The following DNAI4 variants were observed in gnomAD, a reference collection of about 807,000 sequenced individuals.
DNAI4 encodes WD repeat domain 78.
A neutral mutation model predicts 105.8 loss-of-function variants in DNAI4; 85 were observed. The ratio of observed to expected loss-of-function variants is 0.80; its 90% CI spans 0.67 to 0.96. The LOEUF (loss-of-function observed/expected upper bound fraction) is 0.96, where lower values mean the gene tolerates loss of function less well. DNAI4 is among the 40% of genes least tolerant of loss of function. The probability of loss-of-function intolerance (pLI) is 0.00; values close to 1 mark genes in which losing one functional copy is unlikely to be tolerated. For missense variants in DNAI4, 1,014 were observed against 1,005.6 expected, an observed-to-expected ratio of 1.01 and a Z score of -0.11; for synonymous variants, 352 against 331.5, an observed-to-expected ratio of 1.06 and a Z score of -0.67.
Position 66,822,478 on chromosome 1 carries a change from G to A in DNAI4, c.2379C>T (p.Ile793=). Residue 793 remains isoleucine, a synonymous_variant, in exon 16 of 17, where the codon ATC becomes ATT. Coordinates refer to ENST00000371026, the MANE Select transcript of DNAI4 (RefSeq NM_024763.5). ...TGGCAAAGAGAATGGTTGTGAACTT[G>A]ATTCCAGGGTTAGCAGTATTCACAA... The part of the protein sequence containing the change: ...PLIVNTANPG[I]KFTTILFAKQ... 1 of 1,612,488 alleles carries A rather than the reference G, an allele frequency of 6.2e-7. No individual in the cohort carries two copies. Among genetic ancestry groups the A allele is most frequent in the Non-Finnish European group, 8.5e-7 (1 of 1,179,328 alleles).
chr1:66,879,136 G>A (rs866554286), intron 4 of DNAI4, among the ~76,000 whole-genome samples: 112 of 152,234 alleles, frequency 7.4e-4, no homozygotes, highest in African/African-American at 2.1e-3. Flanking sequence ...TATCTATACA[G>A]AATAGTTTTA....
chr1:66,836,208 G>GAAAA (rs1409438113), intron 10 of DNAI4, among the ~76,000 whole-genome samples: 1 of 46,812 alleles, frequency 2.1e-5, no homozygotes, highest in Admixed American at 2.5e-4. Context: ...AAGAAAGAAA[G>GAAAA]AGAGAGAGAG....
rs1645449395 is a variant in DNAI4, at chr1:66,813,121, C to A, written c.*1009G>T. On this transcript the variant is annotated 3_prime_UTR_variant, in exon 17 of 17. Transcript: ENST00000371026. ...GGATACTTGTAAAAGGTAGTTCCCA[C>A]TGTTGCACTGATTCCAGTCTTGGTT... 6.6e-6 allele frequency: 1 copy of A among 152,332 alleles called. No individual in the cohort carries two copies. The allele number at this position is 152,332 out of a possible 1,614,324, so 9.4% of individuals were successfully genotyped here.
intron 13 of DNAI4, among the ~76,000 whole-genome samples, chr1:66,829,919 G>A (rs530889828): frequency 6.6e-6 from 1 of 152,202 alleles, no homozygotes; most frequent in South Asian, 2.1e-4. Flanking sequence ...AAGAACTTTG[G>A]AAAATCCCCA....
At chr1:66,843,340 G>GT (rs1281176187) in intron 8 of DNAI4, among the ~76,000 whole-genome samples, 2 of 152,024 alleles carry the variant, frequency 1.3e-5, no homozygotes, top group African/African-American at 2.4e-5. Flanking sequence ...TTTCTTCAGT[G>GT]AGGTATCTCT....
Position 66,858,532 on chromosome 1 carries a change from C to CAA in DNAI4, c.1096+3613_1096+3614dup, listed in dbSNP as rs3033717. Among the ~76,000 whole-genome samples, 184 of 63,550 alleles carry CAA rather than the reference C, an allele frequency of 2.9e-3. 8 individuals carry two copies. Among genetic ancestry groups the CAA allele is most frequent in the African/African-American group, 5.7e-3 (102 of 17,940 alleles). 41.7% of individuals were successfully genotyped at this position (63,550 alleles called of 152,430 possible). On this transcript the variant is annotated intron_variant, in intron 7 of 16. Transcript: ENST00000371026. ...TGGGCAACAGAGCAAGACTCCGTCT[C>CAA]AAAAAAAAAAAAAAAAAATGCAAAA...
At chr1:66,849,367 A>C (rs558864846) in intron 7 of DNAI4, among the ~76,000 whole-genome samples, 1 of 152,204 alleles carries the variant, frequency 6.6e-6, no homozygotes, top group East Asian at 1.9e-4. Flanking sequence ...GCAAATATAG[A>C]CTTCTACTCC....
intron 5 of DNAI4, among the ~76,000 whole-genome samples, chr1:66,872,745 T>G (rs778985322): frequency 6.6e-6 from 1 of 152,070 alleles, no homozygotes; most frequent in East Asian, 1.9e-4. Flanking sequence ...ATAATAATAA[T>G]AAGAGATGTG....
rs544929913 is a variant in DNAI4 at position 66,857,582 on chromosome 1, T to G, written c.1096+4565A>C. Among the ~76,000 whole-genome samples the G allele has an allele frequency of 2.0e-5, 3 of 151,296 alleles. No homozygotes were observed. In the East Asian group the frequency reaches 5.9e-4, roughly 30 times the overall value. On this transcript the variant is annotated intron_variant, in intron 7 of 16. Transcript: ENST00000371026. Reference sequence around the variant, plus strand: ...AGAGTTTCACTCTTTTTGCCCAGGCTGGAGTACAATGACACGATCTTGGCT... The same window carrying G: ...AGAGTTTCACTCTTTTTGCCCAGGCGGGAGTACAATGACACGATCTTGGCT...
rs1647568635 is a variant in DNAI4, at chr1:66,890,873, G to GAAGAAA, written c.643+280_643+281insTTTCTT. 3 of 457,158 alleles carry GAAGAAA rather than the reference G, an allele frequency of 6.6e-6. No individual in the cohort carries two copies. The highest frequency in any genetic ancestry group is 6.1e-5 in the African/African-American group (3 of 49,334). The allele number at this position is 457,158 out of a possible 1,614,324, so 28.3% of individuals were successfully genotyped here. A position where few individuals can be genotyped will look rare whatever the true frequency, so the allele number is the denominator to read the frequency against. On this transcript the variant is annotated intron_variant, in intron 4 of 16. Coordinates refer to ENST00000371026, the MANE Select transcript of DNAI4 (RefSeq NM_024763.5). This position sits in a 1 kb window ranked among gnomAD's most constrained non-coding sequence, Gnocchi z 4.1. Reference sequence around the variant, plus strand: ...GGAAGAAGAAGAGGAAGAGGAAGAAGAAGAAGAAGAAGCAGAAGCAGCAGC... The same window carrying GAAGAAA: ...GGAAGAAGAAGAGGAAGAGGAAGAAGAAGAAAAAGAAGAAGAAGCAGAAGCAGCAGC...
rs190189460 is a variant in DNAI4, at chr1:66,893,003, A to G, written c.530+226T>C. 1.2e-3 allele frequency among the ~76,000 whole-genome samples: 138 copies of G among 111,994 alleles called. 11 individuals carry two copies. Among genetic ancestry groups the G allele is most frequent in the African/African-American group, 4.5e-3 (124 of 27,356 alleles). 73.5% of individuals were successfully genotyped at this position (111,994 alleles called of 152,430 possible). ...AAAGAAAGAAAGAAAGAAAGAGAGA[A>G]AGAGAGAGAGGAAAGAAAGAAAGAA... On this transcript the variant is annotated intron_variant, in intron 3 of 16. Coordinates refer to ENST00000371026, the MANE Select transcript of DNAI4 (RefSeq NM_024763.5).
rs774172159 is a variant in DNAI4 at position 66,893,310 on chromosome 1, C to A, written c.449G>T (p.Gly150Val). The A allele has an allele frequency of 6.2e-7, 1 of 1,610,592 alleles. No individual in the cohort carries two copies. Among genetic ancestry groups the A allele is most frequent in the South Asian group, 1.1e-5 (1 of 90,596 alleles). Residue 150 changes from glycine (G) to valine (V), a missense_variant, in exon 3 of 17, where the codon GGA becomes GTA. Coordinates refer to ENST00000371026, the MANE Select transcript of DNAI4 (RefSeq NM_024763.5). Reference protein sequence around the residue: ...KPSKLLTSQEGSLGSEFISSY... With the variant: ...KPSKLLTSQEVSLGSEFISSY... ...AGATATAAATTCTGATCCAAGTGAT[C>A]CTTCTTGTGATGTCAAGAGTTTACT...
intron 9 of DNAI4, among the ~76,000 whole-genome samples, chr1:66,839,906 A>G (rs1646111842): frequency 6.6e-6 from 1 of 152,174 alleles, no homozygotes; most frequent in Non-Finnish European, 1.5e-5. Flanking sequence ...ACATAATGAG[A>G]AAAATAATAG....
intron 7 of DNAI4, among the ~76,000 whole-genome samples, 169 bp downstream of exon 7, chr1:66,861,978 T>G (rs1646635734): frequency 6.6e-6 from 1 of 152,098 alleles, no homozygotes; most frequent in Admixed American, 6.6e-5. Context: ...AAATGTAAAT[T>G]TTTCAGTTAA....
In DNAI4 at chr1:66,890,878, A is replaced by G. The variant is rs1647569216; in HGVS notation, c.643+276T>C. 2 of 470,046 alleles carry G rather than the reference A, an allele frequency of 4.3e-6. No individual in the cohort carries two copies. Among genetic ancestry groups the G allele is most frequent in the Non-Finnish European group, 7.6e-6 (2 of 262,528 alleles). The allele number at this position is 470,046 out of a possible 1,614,324, so 29.1% of individuals were successfully genotyped here. Reference sequence around the variant, plus strand: ...AAGAAGAGGAAGAGGAAGAAGAAGAAGAAGAAGCAGAAGCAGCAGCAGCAA... The same window carrying G: ...AAGAAGAGGAAGAGGAAGAAGAAGAGGAAGAAGCAGAAGCAGCAGCAGCAA... On this transcript the variant is annotated intron_variant, in intron 4 of 16. Coordinates refer to ENST00000371026, the MANE Select transcript of DNAI4 (RefSeq NM_024763.5). This position sits in a 1 kb window ranked among gnomAD's most constrained non-coding sequence, Gnocchi z 4.1.
At position 66,905,281 on chromosome 1, in the gene DNAI4, T is replaced by A. The variant is rs757355898; in HGVS notation, c.265A>T (p.Met89Leu). 5.0e-6 allele frequency: 8 copies of A among 1,587,122 alleles called. No homozygotes were observed. The highest frequency in any genetic ancestry group is 3.5e-5 in the South Asian group (3 of 86,930). Residue 89 changes from methionine to leucine, a missense_variant, in exon 2 of 17, where the codon ATG (methionine) becomes TTG (leucine). Physicochemically the swap from Met to Leu is conservative, Grantham distance 15. Coordinates refer to ENST00000371026, the MANE Select transcript of DNAI4 (RefSeq NM_024763.5). ...ATAAGCACGGTTTTGGACACAGCCA[T>A]TCTGCTTTGATTTGCACCAGTATAT... ...KGYTGANQSRMAVSKTVLIPP... is the reference protein window; with the variant it reads ...KGYTGANQSRLAVSKTVLIPP...
chr1:66,922,572 G>A (rs1350632626), intron 1 of DNAI4, among the ~76,000 whole-genome samples: 2 of 152,176 alleles, frequency 1.3e-5, no homozygotes, highest in Non-Finnish European at 2.9e-5. Flanking sequence ...ATTACTACCT[G>A]GAGGGTGTTG....
rs1646926192 is a variant in DNAI4 at position 66,874,776 on chromosome 1, C to T, written c.800+5G>A. 5 of 1,602,512 alleles carry T rather than the reference C, an allele frequency of 3.1e-6. No individual in the cohort carries two copies. The highest frequency in any genetic ancestry group is 1.1e-5 in the South Asian group (1 of 88,260). Reference sequence around the variant, plus strand: ...AAACAATGTAGACAACTGAACCATACATACGTTACTTTCTCAGCTTCTTCA... The same window carrying T: ...AAACAATGTAGACAACTGAACCATATATACGTTACTTTCTCAGCTTCTTCA... On this transcript the variant is annotated splice_donor_5th_base_variant and intron_variant, in intron 5 of 16. Coordinates refer to ENST00000371026, the MANE Select transcript of DNAI4 (RefSeq NM_024763.5).
At chr1:66,847,278 G>T (rs1053787916) in intron 8 of DNAI4, among the ~76,000 whole-genome samples, 3 of 152,064 alleles carry the variant, frequency 2.0e-5, no homozygotes, top group African/African-American at 7.2e-5. Context: ...ATTTGAGTTT[G>T]TCTAAACATG....
Sources: allele counts gnomAD v4.1 joint callset (sites outside exome capture counted in the v4.1 genomes callset), GRCh38; gene constraint gnomAD v4.1.1; non-coding constraint Gnocchi (gnomAD v3.1); transcripts MANE v1.5; gene names NCBI Gene and HGNC (gene_info 2026-07-23, HGNC 2026-07-21).